Variants in MERTK observed in about 807,000 individuals in gnomAD.
MERTK encodes the protein tyrosine-protein kinase Mer.
A neutral mutation model predicts 99.3 loss-of-function variants in MERTK; 69 were observed. The observed-to-expected ratio is 0.70, with a 90% CI of 0.57 to 0.85. The LOEUF (loss-of-function observed/expected upper bound fraction) is 0.85. Ranked by LOEUF, MERTK falls within the 40% of genes least tolerant of loss-of-function variation. The pLI is 0.00. For synonymous variants in MERTK, 426 were observed against 467.6 expected, an observed-to-expected ratio of 0.91 and a Z score of 1.15; for missense variants, 1,125 against 1,249.4, an observed-to-expected ratio of 0.90 and a Z score of 1.50.
chr2:111,954,025 A>G (rs1685103195), intron 4 of MERTK, among the ~76,000 whole-genome samples: 1 of 151,740 alleles, frequency 6.6e-6, no homozygotes, highest in South Asian at 2.1e-4. Context: ...TCATCCCCCT[A>G]CCCCACCACC....
intron 1 of MERTK, among the ~76,000 whole-genome samples, chr2:111,915,267 C>T (rs1684329770): frequency 6.6e-6 from 1 of 151,818 alleles, no homozygotes; most frequent in Non-Finnish European, 1.5e-5. Flanking sequence ...TTTGTCTTCT[C>T]ATTTTTTTCT....
At chr2:111,920,067 T>C (rs1480639709) in intron 1 of MERTK, among the ~76,000 whole-genome samples, 2 of 152,196 alleles carry the variant, frequency 1.3e-5, no homozygotes, top group Non-Finnish European at 2.9e-5. Context: ...TGGCTCCAGC[T>C]GGTTTTGACT....
At chr2:111,913,227 G>C (rs1011290100) in intron 1 of MERTK, among the ~76,000 whole-genome samples, 1 of 152,146 alleles carries the variant, frequency 6.6e-6, no homozygotes, top group African/African-American at 2.4e-5. Context: ...AATTTGGGGA[G>C]AATTGATATT....
chr2:111,942,703 A>G (rs776257154), intron 2 of MERTK, among the ~76,000 whole-genome samples: 5 of 152,168 alleles, frequency 3.3e-5, no homozygotes, highest in Non-Finnish European at 5.9e-5. Context: ...TTGCTCCTAC[A>G]AAAGAACGAG....
intron 2 of MERTK, among the ~76,000 whole-genome samples, chr2:111,931,603 T>G (rs1442378331): frequency 6.6e-6 from 1 of 151,916 alleles, no homozygotes; most frequent in Admixed American, 6.6e-5. Flanking sequence ...GGAGAATTGC[T>G]TGAACCTGGG....
At chr2:112,024,483 GC>G (rs1404338857) in intron 18 of MERTK, among the ~76,000 whole-genome samples, 10 of 152,252 alleles carry the variant, frequency 6.6e-5, no homozygotes, top group Non-Finnish European at 2.9e-5. Flanking sequence ...TGGGCTCTGT[GC>G]CCTGGGTGTG....
chr2:111,926,024 G>A lies in MERTK; in HGVS notation c.62-3096G>A, dbSNP rs1023741111. Among the ~76,000 whole-genome samples the A allele has an allele frequency of 9.9e-5, 15 of 151,622 alleles. No individual in the cohort carries two copies. In the South Asian group the frequency reaches 1.5e-3, roughly 15 times the overall value. Reference sequence around the variant, plus strand: ...TTTTTTGTATTTTTAGTAGAGATGGGGTTTCACCGTGTTAGCCAGGATGGT... The same window carrying A: ...TTTTTTGTATTTTTAGTAGAGATGGAGTTTCACCGTGTTAGCCAGGATGGT... On this transcript the variant is annotated intron_variant, in intron 1 of 18. Transcript: ENST00000295408.
rs187472380 is a variant in MERTK at position 111,912,962 on chromosome 2, G to T, written c.61+14166G>T. ...AGTCGTTTAGCATCTGGGAACCTCA[G>T]GATCCTCATCTATGAACTGGGGACA... On this transcript the variant is annotated intron_variant, in intron 1 of 18. Transcript: ENST00000295408. 286 of 903,416 alleles carry T rather than the reference G, an allele frequency of 3.2e-4. No homozygotes were observed. In the African/African-American group the frequency reaches 4.9e-3, roughly 15 times the overall value. The allele number at this position is 903,416 out of a possible 1,614,324, so 56.0% of individuals were successfully genotyped here. A position where few individuals can be genotyped will look rare whatever the true frequency, so the allele number is the denominator to read the frequency against.
chr2:111,900,410 C>G (rs998634771), intron 1 of MERTK, among the ~76,000 whole-genome samples: 1 of 152,206 alleles, frequency 6.6e-6, no homozygotes, highest in Non-Finnish European at 1.5e-5. Flanking sequence ...GCATTTCTGC[C>G]AGCCCCATTT....
At chr2:112,000,560 G>C (rs752543024) in intron 10 of MERTK, among the ~76,000 whole-genome samples, 31 of 152,128 alleles carry the variant, frequency 2.0e-4, no homozygotes, top group Admixed American at 2.0e-4. Flanking sequence ...AGGGGTTATG[G>C]GTGATTGAGA....
At chr2:111,944,534 G>A (rs77958205) in intron 2 of MERTK, among the ~76,000 whole-genome samples, 4 of 23,606 alleles carry the variant, frequency 1.7e-4, no homozygotes, top group African/African-American at 3.1e-4. Flanking sequence ...TAAGGAATTA[G>A]CTCACACACA....
chr2:111,906,223 C>T (rs6541948), intron 1 of MERTK, among the ~76,000 whole-genome samples: 148,411 of 152,320 alleles, frequency 0.97, 72,423 homozygotes, highest in Middle Eastern at 1. Context: ...GACAGGTCCC[C>T]TTTTTTGTGT....
Position 112,002,755 on chromosome 2 carries a change from C to T in MERTK, c.1691-337C>T, listed in dbSNP as rs575248575. Among the ~76,000 whole-genome samples the T allele has an allele frequency of 8.3e-4, 127 of 152,262 alleles. 4 individuals carry two copies. In the South Asian group the frequency reaches 0.026, roughly 31 times the overall value. ...TTGGGAGGCCGAGGTGGGTAGATCA[C>T]TTGAGGTCAGGAGTTCGAGACCAGC... On this transcript the variant is annotated intron_variant, in intron 11 of 18. Transcript: ENST00000295408.
chr2:111,956,007 T>C (rs1685141843), intron 4 of MERTK, among the ~76,000 whole-genome samples: 1 of 150,044 alleles, frequency 6.7e-6, no homozygotes, highest in African/African-American at 2.4e-5. Flanking sequence ...TTAGGAGATA[T>C]ACCTAATGTA....
At chr2:111,956,500 T>C (rs1415362219) in intron 4 of MERTK, among the ~76,000 whole-genome samples, 1 of 152,226 alleles carries the variant, frequency 6.6e-6, no homozygotes, top group East Asian at 1.9e-4. Flanking sequence ...ACAGCTAAGC[T>C]AGCTTTTGTT....
chr2:112,010,194 CCT>C (rs1677069571), intron 15 of MERTK, 128 bp downstream of exon 15: 1 of 763,986 alleles, frequency 1.3e-6, no homozygotes, highest in Non-Finnish European at 2.4e-6. Flanking sequence ...TTCAGTGCTC[CCT>C]GTGTGTCCAG....
At chr2:111,977,744 C>T (rs1428664728) in intron 7 of MERTK, among the ~76,000 whole-genome samples, 1 of 152,012 alleles carries the variant, frequency 6.6e-6, no homozygotes, top group Non-Finnish European at 1.5e-5. Flanking sequence ...TTATTTTCCC[C>T]TTCTTTTATC....
intron 4 of MERTK, among the ~76,000 whole-genome samples, chr2:111,951,331 C>A (rs1685050698): frequency 6.6e-6 from 1 of 151,834 alleles, no homozygotes; most frequent in South Asian, 2.1e-4. Context: ...CCTCCACCCA[C>A]CCTTTTAAAC....
At chr2:111,975,935 A>G (rs926414555) in intron 7 of MERTK, among the ~76,000 whole-genome samples, 1 of 152,108 alleles carries the variant, frequency 6.6e-6, no homozygotes, top group Non-Finnish European at 1.5e-5. Flanking sequence ...CTCAATCCCC[A>G]GGCCTCCCCT....
Sources: allele counts gnomAD v4.1 joint callset (sites outside exome capture counted in the v4.1 genomes callset), GRCh38; gene constraint gnomAD v4.1.1; transcripts MANE v1.5; gene names NCBI Gene and HGNC (gene_info 2026-07-23, HGNC 2026-07-21).